Variants in PPP1R1C observed in about 807,000 individuals in gnomAD.
The protein encoded by PPP1R1C is protein phosphatase 1 regulatory subunit 1C.
A neutral mutation model predicts 17.4 loss-of-function variants in PPP1R1C; 15 were observed. The ratio of observed to expected loss-of-function variants is 0.86; its 90% confidence interval spans 0.58 to 1.33. PPP1R1C has a LOEUF of 1.33. PPP1R1C is among the 40% of genes most tolerant of loss of function. The pLI is 0.00. For synonymous variants in PPP1R1C, 35 were observed against 43.1 expected (o/e 0.81, Z 0.73); for missense variants, 143 against 130.0 (o/e 1.10, Z -0.48).
chr2:181,984,574 C>T (rs1685252948), upstream of PPP1R1C, among the ~76,000 whole-genome samples: 2 of 152,196 alleles, frequency 1.3e-5, no homozygotes. Flanking sequence ...ACTAAAAGTG[C>T]TTTCACATCC....
chr2:182,098,726 A>G (rs1689015500), intron 4 of PPP1R1C, among the ~76,000 whole-genome samples: 1 of 152,184 alleles, frequency 6.6e-6, no homozygotes. Context: ...CATTTCCATA[A>G]TGTATGGGAA....
downstream of PPP1R1C, among the ~76,000 whole-genome samples, chr2:182,121,786 G>A (rs1689739645): frequency 6.6e-6 from 1 of 152,160 alleles, no homozygotes; most frequent in Non-Finnish European, 1.5e-5. Context: ...ACAGGCGTGA[G>A]CCCCCGTTCC....
At chr2:182,077,907 G>T (rs941482387) in intron 4 of PPP1R1C, among the ~76,000 whole-genome samples, 1 of 152,202 alleles carries the variant, frequency 6.6e-6, no homozygotes, top group Non-Finnish European at 1.5e-5. Flanking sequence ...CTTGCCGGGC[G>T]TGGTGGCTCA....
chr2:181,974,775 A>G (rs1312628621), intron 1 of PPP1R1C, among the ~76,000 whole-genome samples: 1 of 152,246 alleles, frequency 6.6e-6, no homozygotes, highest in Non-Finnish European at 1.5e-5. Flanking sequence ...ACTGGTTTCC[A>G]GAGAAAGTGA....
chr2:181,983,034 TTGAG>T, upstream of PPP1R1C, among the ~76,000 whole-genome samples: 1 of 152,324 alleles, frequency 6.6e-6, no homozygotes, highest in Non-Finnish European at 1.5e-5. Flanking sequence ...TTTGCAATGA[TTGAG>T]TATCTTGATT....
intron 2 of PPP1R1C, among the ~76,000 whole-genome samples, chr2:182,059,526 G>A (rs1225641229): frequency 6.6e-6 from 1 of 151,954 alleles, no homozygotes; most frequent in African/African-American, 2.4e-5. Flanking sequence ...AGAACATTTT[G>A]ATGTTTTTGT....
intron 4 of PPP1R1C, among the ~76,000 whole-genome samples, chr2:182,080,637 A>G (rs1177552408): frequency 6.6e-6 from 1 of 152,234 alleles, no homozygotes; most frequent in Non-Finnish European, 1.5e-5. Context: ...AATGACAATG[A>G]GAAATATGAA....
At chr2:182,030,245 A>G (rs866498140) in intron 2 of PPP1R1C, among the ~76,000 whole-genome samples, 2,850 of 152,048 alleles carry the variant, frequency 0.019, 76 homozygotes, top group African/African-American at 0.065. Flanking sequence ...GCTTTGTTCC[A>G]TTGCTGGTGA....
At position 181,967,982 on chromosome 2, in the gene PPP1R1C, T is replaced by A. The variant is rs999605571; in HGVS notation, n.112-7237T>A. 6.6e-6 allele frequency among the ~76,000 whole-genome samples: 1 copy of A among 152,254 alleles called. No homozygotes were observed. Among genetic ancestry groups the A allele is most frequent in the Admixed American group, 6.5e-5 (1 of 15,292 alleles). ...CACCCGCCTTGGTCTCCCAAAGTGC[T>A]GGGATTGCAGGCATAAGCCACTGTG... is the stretch of plus-strand genomic sequence containing the variant. On this transcript the variant is annotated intron_variant and non_coding_transcript_variant, in intron 1 of 5. Transcript: ENST00000464264. This position sits in a 1 kb window ranked among gnomAD's most constrained non-coding sequence, Gnocchi z 5.5.
intron 4 of PPP1R1C, among the ~76,000 whole-genome samples, chr2:182,088,640 G>C (rs983997814): frequency 6.6e-6 from 1 of 152,122 alleles, no homozygotes; most frequent in Admixed American, 6.6e-5. Flanking sequence ...CAAGGCTAAT[G>C]GGGGGTTTGG....
At chr2:181,975,868 A>T (rs76648885) in intron 2 of PPP1R1C, among the ~76,000 whole-genome samples, 4,626 of 152,166 alleles carry the variant, frequency 0.03, 94 homozygotes, top group South Asian at 0.1. Flanking sequence ...TTTGGAAATA[A>T]TGATCTCATC....
rs199616711 is a variant in PPP1R1C at position 182,091,453 on chromosome 2, T to A, written c.242-25754T>A. 3.4e-4 allele frequency among the ~76,000 whole-genome samples: 51 copies of A among 151,470 alleles called. No individual in the cohort carries two copies. The East Asian group carries it at 6.8e-3, about 20-fold the overall frequency. Reference sequence around the variant, plus strand: ...GTGAGAAAGAGAAAGTGGAGCCAGCTGCAAAGACAGCTGTTTTTCTTAAAA... The same window carrying A: ...GTGAGAAAGAGAAAGTGGAGCCAGCAGCAAAGACAGCTGTTTTTCTTAAAA... On this transcript the variant is annotated intron_variant, in intron 4 of 4. Transcript: ENST00000682840.
intron 4 of PPP1R1C, among the ~76,000 whole-genome samples, chr2:182,082,513 T>A (rs1293485776): frequency 6.6e-6 from 1 of 152,110 alleles, no homozygotes; most frequent in Non-Finnish European, 1.5e-5. Flanking sequence ...TAAGACAGCC[T>A]TGGTCATGGA....
upstream of PPP1R1C, among the ~76,000 whole-genome samples, chr2:181,982,139 T>C (rs927574507): frequency 6.6e-6 from 1 of 152,194 alleles, no homozygotes; most frequent in Non-Finnish European, 1.5e-5. Context: ...CCCTCTCCTC[T>C]CTTCCCCTTT....
intron 2 of PPP1R1C, among the ~76,000 whole-genome samples, chr2:182,034,625 A>G (rs181517191): frequency 4.0e-4 from 61 of 152,338 alleles, no homozygotes; most frequent in African/African-American, 1.4e-3. Context: ...TTAATTACTC[A>G]TACCTATTCG....
chr2:182,061,804 G>A (rs1235418308), intron 3 of PPP1R1C, among the ~76,000 whole-genome samples: 3 of 152,108 alleles, frequency 2.0e-5, no homozygotes, highest in Non-Finnish European at 2.9e-5. Context: ...TGGAACCCCA[G>A]AGCAAGGAGA....
At chr2:182,067,671 C>G (rs1196167) in intron 4 of PPP1R1C, among the ~76,000 whole-genome samples, 113,387 of 152,000 alleles carry the variant, frequency 0.75, 42,537 homozygotes, top group Middle Eastern at 0.77. Flanking sequence ...GTTCACCCCA[C>G]AAAACAACAA....
upstream of PPP1R1C, among the ~76,000 whole-genome samples, chr2:181,982,706 C>T (rs964583942): frequency 2.0e-5 from 3 of 152,018 alleles, no homozygotes; most frequent in African/African-American, 4.8e-5. Flanking sequence ...GTAGGGGAGG[C>T]CACAGAAAGA....
intron 2 of PPP1R1C, among the ~76,000 whole-genome samples, chr2:182,046,949 C>G (rs958039219): frequency 6.6e-6 from 1 of 151,918 alleles, no homozygotes; most frequent in African/African-American, 2.4e-5. Flanking sequence ...TCAATGTTAG[C>G]GACCTATGTG....
Sources: allele counts gnomAD v4.1 joint callset (sites outside exome capture counted in the v4.1 genomes callset), GRCh38; gene constraint gnomAD v4.1.1; non-coding constraint Gnocchi (gnomAD v3.1); transcripts MANE v1.5; gene names NCBI Gene and HGNC (gene_info 2026-07-23, HGNC 2026-07-21).